ADAR: variants seen among roughly 807,000 people sequenced by gnomAD.
ADAR encodes double-stranded RNA-specific adenosine deaminase.
ADAR carries 41 observed loss-of-function variants against 113.2 expected under a neutral mutation model. The observed-to-expected ratio is 0.36, with a 90% CI of 0.28 to 0.47. The LOEUF is 0.47. ADAR is among the 20% of genes least tolerant of loss of function. The pLI is 1.00. For synonymous variants in ADAR, 605 were observed against 572.6 expected (o/e 1.06, Z -0.81); for missense variants, 1,242 against 1,540.9 (o/e 0.81, Z 3.25).
chr1:154,597,750 T>G, intron 4 of ADAR, 78 bp downstream of exon 4: 1 of 1,588,426 alleles, frequency 6.3e-7, no homozygotes, highest in East Asian at 2.2e-5. Context: ...CTGCCATCCC[T>G]GAGGAGGCAA....
At chr1:154,597,508 C>T (rs1216325554) in intron 4 of ADAR, among the ~76,000 whole-genome samples, 3 of 152,222 alleles carry the variant, frequency 2.0e-5, no homozygotes, top group African/African-American at 7.2e-5. Context: ...TTCTCTTGAA[C>T]ATGTGAGTCT....
intron 6 of ADAR, among the ~76,000 whole-genome samples, chr1:154,595,008 GC>G (rs1424728715): frequency 6.6e-6 from 1 of 152,130 alleles, no homozygotes; most frequent in South Asian, 2.1e-4. Flanking sequence ...TATGACAGGG[GC>G]CCCGTAAGAT....
At chr1:154,588,732 C>G in intron 9 of ADAR, 59 bp from the exon 10 acceptor site, 1 of 1,608,664 alleles carries the variant, frequency 6.2e-7, no homozygotes, top group African/African-American at 1.3e-5. Flanking sequence ...GCAGTTGTTT[C>G]TATAATCTGA....
rs747183900 is a variant in ADAR at position 154,597,144 on chromosome 1, G to A, written c.2058C>T (p.Asn686=). 6.8e-6 allele frequency: 11 copies of A among 1,614,220 alleles called. No homozygotes were observed. In the South Asian group the frequency reaches 9.9e-5, roughly 15 times the overall value. Residue 686 remains asparagine, a synonymous_variant, in exon 5 of 15, where the codon AAC becomes AAT. Coordinates refer to ENST00000368474, the MANE Select transcript of ADAR (RefSeq NM_001111.5). Reference sequence around the variant, plus strand: ...CTACCTGGTTATCAGAAGCCATGGAGTTGGTCGCCTCCCCATGCAGGGCCT... The same window carrying A: ...CTACCTGGTTATCAGAAGCCATGGAATTGGTCGCCTCCCCATGCAGGGCCT... ...AMKALHGEAT[N]SMASDNQPEG...
Position 154,597,818 on chromosome 1 carries a change from T to C in ADAR, c.1934+10A>G, listed in dbSNP as rs1397028511. 2 of 1,613,956 alleles carry C rather than the reference T, an allele frequency of 1.2e-6. No homozygotes were observed. The highest frequency in any genetic ancestry group is 3.3e-5 in the Admixed American group (2 of 59,998). On this transcript the variant is annotated intron_variant, in intron 4 of 14. Coordinates refer to ENST00000368474, the MANE Select transcript of ADAR (RefSeq NM_001111.5). ...AAACCTCAGCTGGACAGAGGACACG[T>C]AGGACATACTTGGGTTCATGGGCAG...
At chr1:154,617,662 C>T (rs1347476210) in intron 1 of ADAR, among the ~76,000 whole-genome samples, 5 of 152,148 alleles carry the variant, frequency 3.3e-5, no homozygotes, top group African/African-American at 1.2e-4. Flanking sequence ...CTGCTTTTTA[C>T]ATCCTAACAT....
chr1:154,606,355 T>C (rs1225615647), intron 1 of ADAR, among the ~76,000 whole-genome samples: 1 of 152,188 alleles, frequency 6.6e-6, no homozygotes, highest in African/African-American at 2.4e-5. Flanking sequence ...TTTTAAAATG[T>C]GTCATATCTA....
chr1:154,601,901 T>G lies in ADAR; in HGVS notation c.741A>C (p.Ala247=). Residue 247 remains alanine, a synonymous_variant, in exon 2 of 15, where the codon GCA becomes GCC. Transcript: ENST00000368474. This position sits in a 1 kb window ranked among gnomAD's most constrained non-coding sequence, Gnocchi z 4.7. ...VSEDLLEPFI[A]VSAQAWNQHS... ...GCTGGTTCCAAGCCTGAGCTGAGAC[T>G]GCAATAAAAGGCTCAAGAAGATCTT... 1 of 1,611,092 alleles carries G rather than the reference T, an allele frequency of 6.2e-7. No individual in the cohort carries two copies. The highest frequency in any genetic ancestry group is 8.5e-7 in the Non-Finnish European group (1 of 1,178,876).
At chr1:154,608,358 C>T (rs11579998), upstream of ADAR, among the ~76,000 whole-genome samples, 8,010 of 150,250 alleles carry the variant, frequency 0.053, 278 homozygotes, top group Non-Finnish European at 0.083. Context: ...GGCGGAGTCT[C>T]GCTCTTTTTG....
At chr1:154,594,006 C>A (rs549391123) in intron 6 of ADAR, among the ~76,000 whole-genome samples, 29 of 152,166 alleles carry the variant, frequency 1.9e-4, no homozygotes, top group African/African-American at 7.0e-4. Context: ...GCTCAGCCTC[C>A]GGAGTAGCTG....
intron 10 of ADAR, 112 bp downstream of exon 10, chr1:154,588,439 T>C (rs1227262418): frequency 6.5e-7 from 1 of 1,532,638 alleles, no homozygotes; most frequent in African/African-American, 1.4e-5. Context: ...AAACCCACAG[T>C]GGAGTGTGGC....
rs569391714 is a variant in ADAR, at chr1:154,595,524, C to G, written c.2270+1281G>C. Reference sequence around the variant, plus strand: ...AAAGTTAAAAAAATAAAAAAATTTACAAACAGAAAAAAGACTATAGAATTA... The same window carrying G: ...AAAGTTAAAAAAATAAAAAAATTTAGAAACAGAAAAAAGACTATAGAATTA... On this transcript the variant is annotated intron_variant, in intron 6 of 14. Coordinates refer to ENST00000368474, the MANE Select transcript of ADAR (RefSeq NM_001111.5). Among the ~76,000 whole-genome samples, 13 of 151,784 alleles carry G rather than the reference C, an allele frequency of 8.6e-5. No homozygotes were observed. The East Asian group carries it at 2.5e-3, about 29-fold the overall frequency.
chr1:154,584,706 G>T lies in ADAR; in HGVS notation c.*100C>A. ...TTATGGCTTAAAAAGAAAAAAAAAG[G>T]AGAAAAAAAAATCCCCTGACCATGT... is the stretch of plus-strand genomic sequence containing the variant. On this transcript the variant is annotated 3_prime_UTR_variant, in exon 15 of 15. Coordinates refer to ENST00000368474, the MANE Select transcript of ADAR (RefSeq NM_001111.5). 1 of 1,081,536 alleles carries T rather than the reference G, an allele frequency of 9.2e-7. No individual in the cohort carries two copies. The highest frequency in any genetic ancestry group is 1.4e-6 in the Non-Finnish European group (1 of 725,848). 67.0% of individuals were successfully genotyped at this position (1,081,536 alleles called of 1,614,324 possible).
chr1:154,607,204 C>CA (rs1698250193), intron 1 of ADAR, among the ~76,000 whole-genome samples: 1 of 152,044 alleles, frequency 6.6e-6, no homozygotes, highest in Non-Finnish European at 1.5e-5. Flanking sequence ...TAAATGGACT[C>CA]ATACAGTATG....
Position 154,584,574 on chromosome 1 carries a change from T to TTTC in ADAR, c.*229_*231dup, listed in dbSNP as rs1696620313. 1.8e-6 allele frequency: 1 copy of TTTC among 552,238 alleles called. No individual in the cohort carries two copies. The highest frequency in any genetic ancestry group is 3.2e-6 in the Non-Finnish European group (1 of 310,584). The allele number at this position is 552,238 out of a possible 1,614,324, so 34.2% of individuals were successfully genotyped here. A position where few individuals can be genotyped will look rare whatever the true frequency, so the allele number is the denominator to read the frequency against. On this transcript the variant is annotated 3_prime_UTR_variant, in exon 15 of 15. Coordinates refer to ENST00000368474, the MANE Select transcript of ADAR (RefSeq NM_001111.5). ...TAGAAAGAAAAGATAACTTCTTAGGTTTCTGCCTCTTCACTTGGGGGAAAA... is the reference window on the plus strand; with the variant it reads ...TAGAAAGAAAAGATAACTTCTTAGGTTTCTTCTGCCTCTTCACTTGGGGGAAAA...
Position 154,584,908 on chromosome 1 carries a change from C to A in ADAR, c.3579G>T (p.Glu1193Asp). Residue 1193 changes from glutamate (E) to aspartate (D), a missense_variant, in exon 15 of 15, where the codon GAG becomes GAT. Transcript: ENST00000368474. ...CTTTTTTGAAGTAGTTCTTGGCCGT[C>A]TCGTAGTCACGGGCAGCTTTCTTGG... ...GEAKKAARDYETAKNYFKKGL... is the reference protein window; with the variant it reads ...GEAKKAARDYDTAKNYFKKGL... 1.2e-6 allele frequency: 2 copies of A among 1,614,198 alleles called. No homozygotes were observed. Among genetic ancestry groups the A allele is most frequent in the Non-Finnish European group, 1.7e-6 (2 of 1,180,040 alleles).
chr1:154,602,479 G>C lies in ADAR; in HGVS notation c.163C>G (p.Pro55Ala), dbSNP rs1202867349. The change falls in exon 2 of 15, where the codon CCG (proline) becomes GCG (alanine). Residue 55 changes from proline (P) to alanine (A), a missense_variant. Around this residue, in one of 2 missense-constraint regions of ADAR, gnomAD observed 462 missense variants for 483.1 expected, o/e 0.96. Coordinates refer to ENST00000368474, the MANE Select transcript of ADAR (RefSeq NM_001111.5). ...GACGGTGTCTGCTTTCCAATCACCG[G>C]TGCTTCTGGGAGCTGCCCCTTGAGA... ...EFLKGQLPEA[P>A]VIGKQTPSLP... The C allele has an allele frequency of 1.2e-6, 2 of 1,614,034 alleles. No homozygotes were observed. The highest frequency in any genetic ancestry group is 1.3e-5 in the African/African-American group (1 of 74,938).
chr1:154,611,589 C>T (rs1698488954), upstream of ADAR, among the ~76,000 whole-genome samples: 1 of 152,094 alleles, frequency 6.6e-6, no homozygotes, highest in African/African-American at 2.4e-5. Flanking sequence ...AAAAATCACC[C>T]ATTGTTAATT....
At chr1:154,620,374 C>G (rs1698756271) in intron 1 of ADAR, among the ~76,000 whole-genome samples, 1 of 152,030 alleles carries the variant, frequency 6.6e-6, no homozygotes, top group South Asian at 2.1e-4. Flanking sequence ...CCACTGCACT[C>G]CAGCCTGGGT....
Sources: allele counts gnomAD v4.1 joint callset (sites outside exome capture counted in the v4.1 genomes callset), GRCh38; gene constraint gnomAD v4.1.1; regional missense constraint gnomAD v4.1.1; non-coding constraint Gnocchi (gnomAD v3.1); transcripts MANE v1.5; gene names NCBI Gene and HGNC (gene_info 2026-07-23, HGNC 2026-07-21).